Variants in MYO16 observed in about 807,000 individuals in gnomAD.
MYO16 encodes the protein myosin XVI, also known as unconventional myosin-XVI.
In MYO16, 94 loss-of-function variants were observed where a neutral mutation model predicts 205.3. The observed-to-expected ratio is 0.46, with a 90% CI of 0.39 to 0.54. MYO16 has a LOEUF of 0.54. Ranked by LOEUF, MYO16 falls within the 20% of genes least tolerant of loss-of-function variation. The probability of loss-of-function intolerance (pLI) is 0.00; values close to 1 mark genes in which losing one functional copy is unlikely to be tolerated. For synonymous variants in MYO16, 988 were observed against 954.0 expected, an observed-to-expected ratio of 1.04 and a Z score of -0.66; for missense variants, 2,315 against 2,387.5, an observed-to-expected ratio of 0.97 and a Z score of 0.63.
Position 109,179,569 on chromosome 13 carries a change from G to A in MYO16, c.5351G>A (p.Arg1784Gln), listed in dbSNP as rs188457804. ...NGLPEEDGYS[R>Q]LSISGTGTST... Reference sequence around the variant, plus strand: ...TTACCTGAAGAAGATGGATACTCACGGTTGTCTATAAGTGGCACAGGGACT... The same window carrying A: ...TTACCTGAAGAAGATGGATACTCACAGTTGTCTATAAGTGGCACAGGGACT... The change falls in exon 34 of 35, where the codon CGG (arginine) becomes CAG (glutamine). Residue 1784 changes from arginine (R) to glutamine (Q), a missense_variant. By Grantham distance (43) the Arg-to-Gln change is conservative. This residue lies in a region of MYO16 where 1,097 missense variants were observed against 1,092.0 expected (regional missense o/e 1.00). Coordinates refer to ENST00000457511, the MANE Select transcript of MYO16 (RefSeq NM_001198950.3). 9.5e-5 allele frequency: 153 copies of A among 1,613,892 alleles called. No homozygotes were observed. The highest frequency in any genetic ancestry group is 6.8e-4 in the Admixed American group (41 of 60,004).
rs1219462750 is a variant in MYO16, at chr13:108,820,341, A to AT, written c.873dup (p.Leu292SerfsTer18). ...CAATTATCTTTAATATTTCAGACAA[A>AT]TCTGGTGAAACTTCTCCTGATGCAT... is the stretch of plus-strand genomic sequence containing the variant. On this transcript the variant is annotated frameshift_variant, in exon 8 of 35. Coordinates refer to ENST00000457511, the MANE Select transcript of MYO16 (RefSeq NM_001198950.3). LOFTEE classifies it high-confidence loss of function. 1 of 1,596,920 alleles carries AT rather than the reference A, an allele frequency of 6.3e-7. No homozygotes were observed. Among genetic ancestry groups the AT allele is most frequent in the East Asian group, 2.3e-5 (1 of 43,442 alleles).
intron 21 of MYO16, among the ~76,000 whole-genome samples, chr13:109,007,138 C>T (rs1490305889): frequency 6.6e-6 from 1 of 152,168 alleles, no homozygotes; most frequent in Non-Finnish European, 1.5e-5. Flanking sequence ...CCTGTAATCC[C>T]AGCACTTTGG....
intron 16 of MYO16, among the ~76,000 whole-genome samples, chr13:108,928,712 A>AATTC (rs1381839837): frequency 5.3e-5 from 8 of 152,372 alleles, no homozygotes; most frequent in Non-Finnish European, 7.3e-5. Flanking sequence ...ATAGAAAGGG[A>AATTC]ATGGACCTAA....
At chr13:108,835,738 G>A (rs562081791) in intron 9 of MYO16, among the ~76,000 whole-genome samples, 2 of 152,296 alleles carry the variant, frequency 1.3e-5, no homozygotes, top group African/African-American at 4.8e-5. Flanking sequence ...CTGGAACAAA[G>A]GTGACACTTG....
At chr13:108,844,618 T>A in intron 10 of MYO16, 125 bp downstream of exon 10, 1 of 963,176 alleles carries the variant, frequency 1.0e-6, no homozygotes, top group Non-Finnish European at 1.4e-6. Flanking sequence ...ATGCATAGAT[T>A]AATATTTTGC....
chr13:108,896,029 A>G (rs1173776645), intron 14 of MYO16, among the ~76,000 whole-genome samples: 1 of 152,148 alleles, frequency 6.6e-6, no homozygotes. Flanking sequence ...TCTCATTAGC[A>G]GTGTTGGGGT....
chr13:109,144,338 G>A (rs536103873), intron 32 of MYO16, among the ~76,000 whole-genome samples: 3 of 152,168 alleles, frequency 2.0e-5, no homozygotes, highest in African/African-American at 2.4e-5. Flanking sequence ...TTTATGGGCT[G>A]TGATGAGGGA....
intron 28 of MYO16, among the ~76,000 whole-genome samples, chr13:109,107,518 G>A (rs1889154063): frequency 6.6e-6 from 1 of 151,978 alleles, no homozygotes; most frequent in Non-Finnish European, 1.5e-5. Context: ...AACTGTTAAA[G>A]TTTTAACTAC....
At chr13:108,686,963 C>T (rs1322544722) in intron 2 of MYO16, among the ~76,000 whole-genome samples, 1 of 152,192 alleles carries the variant, frequency 6.6e-6, no homozygotes, top group African/African-American at 2.4e-5. Flanking sequence ...GGAACAACGG[C>T]TGCTTACCCC....
intron 4 of MYO16, among the ~76,000 whole-genome samples, chr13:108,752,690 G>A (rs1594265280): frequency 6.8e-6 from 1 of 146,986 alleles, no homozygotes; most frequent in Non-Finnish European, 1.5e-5. Flanking sequence ...TGCCCAGGCT[G>A]GAGTGCAGTG....
intron 4 of MYO16, among the ~76,000 whole-genome samples, chr13:108,778,496 A>G (rs1239962899): frequency 6.6e-6 from 1 of 152,168 alleles, no homozygotes; most frequent in Admixed American, 6.5e-5. Flanking sequence ...GTACACACCT[A>G]TAGTCCCAGC....
intron 4 of MYO16, among the ~76,000 whole-genome samples, chr13:108,745,636 A>G (rs1885036053): frequency 2.0e-5 from 3 of 152,178 alleles, no homozygotes; most frequent in Non-Finnish European, 1.5e-5. Flanking sequence ...TCTGGCTTTC[A>G]ATGAAAAATT....
intron 12 of MYO16, among the ~76,000 whole-genome samples, chr13:108,877,186 A>G (rs1879370429): frequency 6.6e-6 from 1 of 152,180 alleles, no homozygotes; most frequent in African/African-American, 2.4e-5. Context: ...TGTTTTATAA[A>G]TGCTCTTTTT....
chr13:108,546,778 G>A, the MYO16 span, among the ~76,000 whole-genome samples: 1 of 152,158 alleles, frequency 6.6e-6, no homozygotes, highest in African/African-American at 2.4e-5. Context: ...TCCTCTTCTC[G>A]CTTCATTCTT....
chr13:108,567,002 G>A, the MYO16 span, among the ~76,000 whole-genome samples: 1 of 152,162 alleles, frequency 6.6e-6, no homozygotes, highest in South Asian at 2.1e-4. Flanking sequence ...CCAGTAGATG[G>A]AGATTTTTAA....
chr13:108,660,303 C>A (rs200771740), intron 1 of MYO16, among the ~76,000 whole-genome samples: 2 of 152,136 alleles, frequency 1.3e-5, no homozygotes, highest in African/African-American at 2.4e-5. Flanking sequence ...CTTGTTCCAA[C>A]GTATAGTTTA....
At chr13:109,011,917 G>A (rs1173461533) in intron 22 of MYO16, among the ~76,000 whole-genome samples, 1 of 152,132 alleles carries the variant, frequency 6.6e-6, no homozygotes, top group Non-Finnish European at 1.5e-5. Context: ...AACATTTTGA[G>A]TTGCCTGTAG....
chr13:109,158,188 C>T (rs1034578062), intron 32 of MYO16, among the ~76,000 whole-genome samples: 2 of 152,148 alleles, frequency 1.3e-5, no homozygotes, highest in Non-Finnish European at 2.9e-5. Flanking sequence ...ACGTGCTGTC[C>T]GTTCTGCCAG....
At chr13:108,564,348 T>G in the MYO16 span, among the ~76,000 whole-genome samples, 1 of 152,090 alleles carries the variant, frequency 6.6e-6, no homozygotes. Context: ...TTTTTGTATT[T>G]TTAGTAGAGA....
Sources: allele counts gnomAD v4.1 joint callset (sites outside exome capture counted in the v4.1 genomes callset), GRCh38; gene constraint gnomAD v4.1.1; regional missense constraint gnomAD v4.1.1; transcripts MANE v1.5; gene names NCBI Gene and HGNC (gene_info 2026-07-23, HGNC 2026-07-21).